TMEM132D: variants seen among roughly 807,000 people sequenced by gnomAD.
TMEM132D encodes the protein mature OL transmembrane protein.
A neutral mutation model predicts 62.3 loss-of-function variants in TMEM132D; 21 were observed. The observed-to-expected ratio is 0.34, with a 90% CI of 0.24 to 0.49. The LOEUF (loss-of-function observed/expected upper bound fraction) is 0.49. Ranked by LOEUF, TMEM132D falls within the 20% of genes least tolerant of loss-of-function variation. The probability of loss-of-function intolerance (pLI) is 0.99; values close to 1 mark genes in which losing one functional copy is unlikely to be tolerated. For missense variants in TMEM132D, 1,346 were observed against 1,402.8 expected, an observed-to-expected ratio of 0.96 and a Z score of 0.65; for synonymous variants, 621 against 575.6, an observed-to-expected ratio of 1.08 and a Z score of -1.13.
At chr12:129,880,256 A>C (rs181350573) in intron 1 of TMEM132D, among the ~76,000 whole-genome samples, 35 of 152,288 alleles carry the variant, frequency 2.3e-4, no homozygotes, top group Admixed American at 2.2e-3. Context: ...AGAATTCTAT[A>C]CCCAGTAAAA....
chr12:129,816,860 C>T (rs61942087), intron 1 of TMEM132D, among the ~76,000 whole-genome samples: 2 of 152,048 alleles, frequency 1.3e-5, no homozygotes, highest in African/African-American at 4.8e-5. Flanking sequence ...TCTAAAATAC[C>T]GAGATAGTTT....
At chr12:129,358,710 TAG>T (rs1474930864) in intron 3 of TMEM132D, among the ~76,000 whole-genome samples, 1 of 152,184 alleles carries the variant, frequency 6.6e-6, no homozygotes, top group Non-Finnish European at 1.5e-5. Flanking sequence ...GACCTGAGTG[TAG>T]CCAAGGAGGC....
At chr12:129,466,419 C>G (rs1307768528) in intron 3 of TMEM132D, among the ~76,000 whole-genome samples, 4 of 151,434 alleles carry the variant, frequency 2.6e-5, no homozygotes, top group South Asian at 2.1e-4. Context: ...TAAAGCAATC[C>G]TCCCCGCCCC....
At chr12:129,635,224 C>G (rs1449778925) in intron 2 of TMEM132D, among the ~76,000 whole-genome samples, 1 of 152,198 alleles carries the variant, frequency 6.6e-6, no homozygotes, top group Non-Finnish European at 1.5e-5. Flanking sequence ...GACCTGAGGT[C>G]TTTAGTAGTC....
At chr12:129,833,235 G>T (rs55917805) in intron 1 of TMEM132D, among the ~76,000 whole-genome samples, 1 of 152,154 alleles carries the variant, frequency 6.6e-6, no homozygotes, top group Non-Finnish European at 1.5e-5. Flanking sequence ...CCTCAAGTAA[G>T]CTACAGTCGG....
At chr12:129,139,794 T>G (rs1052836531) in intron 5 of TMEM132D, among the ~76,000 whole-genome samples, 3 of 152,152 alleles carry the variant, frequency 2.0e-5, no homozygotes, top group Admixed American at 6.5e-5. Context: ...TGAGCTCAAT[T>G]AATTCTTCTG....
chr12:129,390,186 C>G (rs1871254403), intron 3 of TMEM132D, among the ~76,000 whole-genome samples: 1 of 152,240 alleles, frequency 6.6e-6, no homozygotes, highest in Admixed American at 6.5e-5. Flanking sequence ...CAGTGGCTGA[C>G]TGACCTTGGC....
chr12:129,623,502 C>G (rs10847915), intron 2 of TMEM132D, among the ~76,000 whole-genome samples: 33,948 of 151,806 alleles, frequency 0.22, 4,392 homozygotes, highest in East Asian at 0.41. Context: ...TAACTTAGCT[C>G]CCACTTGTAA....
intron 2 of TMEM132D, among the ~76,000 whole-genome samples, chr12:129,692,598 A>C (rs1881088374): frequency 6.6e-6 from 1 of 152,258 alleles, no homozygotes; most frequent in South Asian, 2.1e-4. Context: ...GAATAGACCC[A>C]AATGCCCATC....
chr12:129,529,275 A>G (rs1347319548), intron 3 of TMEM132D, among the ~76,000 whole-genome samples: 1 of 152,258 alleles, frequency 6.6e-6, no homozygotes, highest in Non-Finnish European at 1.5e-5. Context: ...TATTCTATTC[A>G]GGGTCCTCGT....
At chr12:129,412,132 A>T (rs549171526) in intron 3 of TMEM132D, among the ~76,000 whole-genome samples, 23 of 151,942 alleles carry the variant, frequency 1.5e-4, no homozygotes, top group African/African-American at 4.8e-4. Flanking sequence ...AATACAAAAT[A>T]TTTCTCTGTC....
At chr12:129,761,679 C>T (rs1261397313) in intron 1 of TMEM132D, among the ~76,000 whole-genome samples, 1 of 152,208 alleles carries the variant, frequency 6.6e-6, no homozygotes, top group Non-Finnish European at 1.5e-5. Context: ...TGTAAGTATT[C>T]CCACGCGGTC....
At chr12:129,764,553 CGT>C (rs1221823678) in intron 1 of TMEM132D, among the ~76,000 whole-genome samples, 1 of 150,750 alleles carries the variant, frequency 6.6e-6, no homozygotes, top group East Asian at 2.0e-4. Flanking sequence ...AATGCTATTA[CGT>C]GTGTGTGCAC....
rs773183349 is a variant in TMEM132D, at chr12:129,211,511, G to A, written c.1300-1848C>T. 2.0e-5 allele frequency among the ~76,000 whole-genome samples: 3 copies of A among 152,238 alleles called. No homozygotes were observed. The East Asian group carries it at 5.8e-4, about 29-fold the overall frequency. ...CCTGTTAGTAGAATGCCAGCAGAAG[G>A]AATAGAAGTTTATCATCCTAAAATT... On this transcript the variant is annotated intron_variant, in intron 4 of 8. Coordinates refer to ENST00000422113, the MANE Select transcript of TMEM132D (RefSeq NM_133448.3).
chr12:129,082,115 C>T (rs2135617149), intron 6 of TMEM132D, 83 bp from the exon 7 acceptor site: 1 of 1,501,922 alleles, frequency 6.7e-7, no homozygotes, highest in South Asian at 1.3e-5. Context: ...GTGGGGGCTG[C>T]AGAGGTAGGT....
Position 129,074,916 on chromosome 12 carries a change from C to A in TMEM132D, c.2259G>T (p.Trp753Cys), listed in dbSNP as rs2135605198. The A allele has an allele frequency of 6.2e-7, 1 of 1,613,952 alleles. No homozygotes were observed. The highest frequency in any genetic ancestry group is 8.5e-7 in the Non-Finnish European group (1 of 1,180,008). ...CTTCTGTTTCCGCAGCAATGATAGG[C>A]CACTTGAATTTGGGGTCTTGGTGGA... ...VSIHQDPKFK[W>C]PIIAAETEGQ... Residue 753 changes from tryptophan to cysteine, a missense_variant, in exon 9 of 9, where the codon TGG (tryptophan) becomes TGT (cysteine). Coordinates refer to ENST00000422113, the MANE Select transcript of TMEM132D (RefSeq NM_133448.3).
At chr12:129,831,056 T>G (rs1047957539) in intron 1 of TMEM132D, among the ~76,000 whole-genome samples, 1 of 152,096 alleles carries the variant, frequency 6.6e-6, no homozygotes, top group African/African-American at 2.4e-5. Flanking sequence ...GCTCCTTCTC[T>G]CCAGGCTTCT....
chr12:129,668,984 C>A lies in TMEM132D; in HGVS notation c.968+30826G>T, dbSNP rs146237859. Among the ~76,000 whole-genome samples the A allele has an allele frequency of 2.4e-3, 363 of 152,284 alleles. 3 individuals carry two copies. The highest frequency in any genetic ancestry group is 8.3e-3 in the African/African-American group (344 of 41,544). On this transcript the variant is annotated intron_variant, in intron 2 of 8. Transcript: ENST00000422113. Reference sequence around the variant, plus strand: ...TGTCACTTTCTAACAGGCTCAGAAACCCCACATTATCTTACGTCCTCAAGA... The same window carrying A: ...TGTCACTTTCTAACAGGCTCAGAAAACCCACATTATCTTACGTCCTCAAGA...
intron 4 of TMEM132D, among the ~76,000 whole-genome samples, chr12:129,285,679 T>C (rs995350748): frequency 7.9e-5 from 12 of 152,226 alleles, no homozygotes; most frequent in African/African-American, 2.7e-4. Flanking sequence ...ATCATTGTTT[T>C]TTCAAATAAG....
Sources: allele counts gnomAD v4.1 joint callset (sites outside exome capture counted in the v4.1 genomes callset), GRCh38; gene constraint gnomAD v4.1.1; transcripts MANE v1.5; gene names NCBI Gene and HGNC (gene_info 2026-07-23, HGNC 2026-07-21).